Variants in ATG10 observed in about 807,000 individuals in gnomAD.
The protein encoded by ATG10 is autophagy related 10, also known as ubiquitin-like-conjugating enzyme ATG10.
In ATG10, 30 loss-of-function variants were observed where a neutral mutation model predicts 32.1. That is an observed-to-expected ratio of 0.94 (90% CI 0.70 to 1.27). The LOEUF is 1.27. ATG10 is among the 50% of genes most tolerant of loss of function. ATG10 has a pLI of 0.00. For synonymous variants in ATG10, 87 were observed against 91.5 expected (o/e 0.95, Z 0.28); for missense variants, 233 against 262.3 (o/e 0.89, Z 0.77).
chr5:81,972,449 G>A (rs1760749742), intron 1 of ATG10, 143 bp downstream of exon 1: 1 of 152,386 alleles, frequency 6.6e-6, no homozygotes, highest in Non-Finnish European at 1.5e-5. Context: ...GGCCGGGGAA[G>A]CGGGTCCCCG....
At chr5:82,127,429 A>C (rs975320671) in intron 3 of ATG10, among the ~76,000 whole-genome samples, 23 of 152,132 alleles carry the variant, frequency 1.5e-4, no homozygotes, top group African/African-American at 5.5e-4. Context: ...TAGTGCTGTA[A>C]ATTTTCCTCT....
At position 82,253,338 on chromosome 5, in the gene ATG10, G is replaced by A; in HGVS notation, c.576G>A (p.Trp192Ter). 6.2e-7 allele frequency: 1 copy of A among 1,612,712 alleles called. No homozygotes were observed. Among genetic ancestry groups the A allele is most frequent in the Non-Finnish European group, 8.5e-7 (1 of 1,178,692 alleles). ...INKNVNYITS[W>*]LSIVGPVVGL... is the part of the protein sequence containing the mutation. ...GGAATGTCAACTATATCACATCATG[G>A]CTGAGCATTGTAGGGCCAGTTGTTG... is the stretch of plus-strand genomic sequence containing the variant. The change falls in exon 7 of 8, where the codon TGG becomes TGA. Residue 192 changes from tryptophan (W) to a stop codon, truncating the protein, a stop_gained. Coordinates refer to ENST00000282185, the MANE Select transcript of ATG10 (RefSeq NM_031482.5). LOFTEE classifies it high-confidence loss of function.
intron 3 of ATG10, among the ~76,000 whole-genome samples, chr5:82,092,533 C>G (rs1764926077): frequency 6.6e-6 from 1 of 152,156 alleles, no homozygotes; most frequent in Non-Finnish European, 1.5e-5. Flanking sequence ...AATTCTGAGG[C>G]TGCTTTCACC....
At chr5:81,996,177 T>C (rs1761657899) in intron 2 of ATG10, among the ~76,000 whole-genome samples, 1 of 152,260 alleles carries the variant, frequency 6.6e-6, no homozygotes, top group Admixed American at 6.5e-5. Context: ...TTTTAAAGTC[T>C]TCACAAGACC....
At chr5:82,135,651 T>C (rs900886569) in intron 3 of ATG10, among the ~76,000 whole-genome samples, 2 of 152,218 alleles carry the variant, frequency 1.3e-5, no homozygotes, top group African/African-American at 4.8e-5. Context: ...ATGTGGTCGA[T>C]TTTAGGATAA....
intron 5 of ATG10, among the ~76,000 whole-genome samples, chr5:82,224,971 A>G (rs1746063701): frequency 6.6e-6 from 1 of 152,218 alleles, no homozygotes; most frequent in Non-Finnish European, 1.5e-5. Flanking sequence ...ACAAACTTAC[A>G]TGAATGCTGA....
chr5:82,142,473 G>A (rs1767190547), intron 3 of ATG10, among the ~76,000 whole-genome samples: 1 of 152,190 alleles, frequency 6.6e-6, no homozygotes, highest in Admixed American at 6.5e-5. Flanking sequence ...TCATGAGACA[G>A]CAGGAGAACT....
intron 2 of ATG10, among the ~76,000 whole-genome samples, chr5:81,989,809 C>T (rs1424514196): frequency 6.6e-6 from 1 of 151,946 alleles, no homozygotes; most frequent in East Asian, 1.9e-4. Flanking sequence ...TCACCATGGT[C>T]TCGATCTCCT....
intron 1 of ATG10, among the ~76,000 whole-genome samples, chr5:81,983,518 C>A (rs1229966412): frequency 2.7e-5 from 4 of 148,052 alleles, no homozygotes; most frequent in Non-Finnish European, 6.0e-5. Flanking sequence ...GGGCTGACCC[C>A]CCCCACCTCC....
chr5:82,009,602 G>C lies in ATG10; in HGVS notation c.108+21924G>C, dbSNP rs970600512. ...GATAAAACACAAGTCAAACTTATTC[G>C]AGTTGTCCACAGTCAGCAATGGTGA... On this transcript the variant is annotated intron_variant, in intron 2 of 7. Transcript: ENST00000282185. 6 of 1,585,700 alleles carry C rather than the reference G, an allele frequency of 3.8e-6. No individual in the cohort carries two copies. In the African/African-American group the frequency reaches 8.1e-5, roughly 21 times the overall value.
chr5:82,013,074 G>GC (rs1762171036), intron 2 of ATG10, among the ~76,000 whole-genome samples: 1 of 150,746 alleles, frequency 6.6e-6, no homozygotes, highest in African/African-American at 2.4e-5. Context: ...TGATTCTCCT[G>GC]CCTCAGCCTC....
chr5:82,209,002 T>A (rs1745398995), intron 5 of ATG10, among the ~76,000 whole-genome samples: 1 of 152,174 alleles, frequency 6.6e-6, no homozygotes, highest in Non-Finnish European at 1.5e-5. Flanking sequence ...ATCAAGCATA[T>A]GTTACCTTCA....
At chr5:81,991,031 A>T (rs1179937604) in intron 2 of ATG10, among the ~76,000 whole-genome samples, 7 of 152,212 alleles carry the variant, frequency 4.6e-5, no homozygotes, top group African/African-American at 1.4e-4. Flanking sequence ...GTCTGGTATG[A>T]CTGTGGTTTC....
At position 81,987,584 on chromosome 5, in the gene ATG10, A is replaced by T. The variant is rs781170254; in HGVS notation, c.14A>T (p.Glu5Val). The change falls in exon 2 of 8, where the codon GAG (glutamate) becomes GTG (valine). Residue 5 changes from glutamate to valine, a missense_variant. Coordinates refer to ENST00000282185, the MANE Select transcript of ATG10 (RefSeq NM_031482.5). MEEDEFIGEKTFQRY... is the reference protein window; with the variant it reads MEEDVFIGEKTFQRY... ...TTATCATTTAACATGGAAGAAGATG[A>T]GTTCATTGGAGAAAAAACATTCCAA... The T allele has an allele frequency of 2.5e-6, 4 of 1,608,048 alleles. No homozygotes were observed. The highest frequency in any genetic ancestry group is 2.5e-6 in the Non-Finnish European group (3 of 1,176,778).
At chr5:81,982,573 A>G (rs936917437) in intron 1 of ATG10, among the ~76,000 whole-genome samples, 1 of 149,256 alleles carries the variant, frequency 6.7e-6, no homozygotes, top group Non-Finnish European at 1.5e-5. Flanking sequence ...TTATTTATTT[A>G]TTTATTTTTA....
At chr5:82,032,296 A>G (rs1041165500) in intron 2 of ATG10, among the ~76,000 whole-genome samples, 3 of 152,032 alleles carry the variant, frequency 2.0e-5, no homozygotes, top group African/African-American at 4.8e-5. Flanking sequence ...CATTTTATTC[A>G]GGCTCTTTTC....
chr5:81,979,372 C>A (rs945338426), intron 1 of ATG10, among the ~76,000 whole-genome samples: 9 of 152,134 alleles, frequency 5.9e-5, no homozygotes, highest in Middle Eastern at 3.4e-3. Flanking sequence ...CTAAAAAATA[C>A]AAAAAATTAG....
chr5:82,238,903 A>G (rs546131173), intron 5 of ATG10, among the ~76,000 whole-genome samples: 1 of 152,334 alleles, frequency 6.6e-6, no homozygotes, highest in South Asian at 2.1e-4. Context: ...AACTCACAGA[A>G]TTAAAATATG....
At chr5:82,146,422 G>T (rs1371325744) in intron 3 of ATG10, among the ~76,000 whole-genome samples, 4 of 151,940 alleles carry the variant, frequency 2.6e-5, no homozygotes, top group Non-Finnish European at 1.5e-5. Context: ...TATTTTTAGA[G>T]TGGTTGTCTA....
Sources: gnomAD v4.1 joint callset for allele counts (sites outside exome capture counted in the v4.1 genomes callset) on GRCh38, gnomAD v4.1.1 for gene constraint, MANE v1.5 for transcripts, NCBI Gene and HGNC (gene_info 2026-07-23, HGNC 2026-07-21) for gene names.